The following ESR1 variants were observed in gnomAD, a reference collection of about 807,000 sequenced individuals.
ESR1 encodes estrogen receptor 1, also known as estrogen receptor.
In ESR1, 12 loss-of-function variants were observed where a neutral mutation model predicts 52.7. The ratio of observed to expected loss-of-function variants is 0.23; its 90% CI spans 0.15 to 0.37. ESR1 has a LOEUF of 0.37. Ranked by LOEUF, ESR1 falls within the 10% of genes least tolerant of loss-of-function variation. The pLI, the probability that ESR1 is intolerant of heterozygous loss-of-function variation, is 1.00. For missense variants in ESR1, 584 were observed against 779.7 expected, an observed-to-expected ratio of 0.75 and a Z score of 2.99; for synonymous variants, 305 against 316.8, an observed-to-expected ratio of 0.96 and a Z score of 0.39.
At chr6:151,748,064 G>A (rs1783613199) in intron 2 of ESR1, among the ~76,000 whole-genome samples, 1 of 152,014 alleles carries the variant, frequency 6.6e-6, no homozygotes, top group Admixed American at 6.5e-5. Flanking sequence ...CCAAATGGCT[G>A]TACGATTTTA....
At chr6:151,808,582 A>G (rs542458764) in intron 1 of ESR1, among the ~76,000 whole-genome samples, 6 of 152,244 alleles carry the variant, frequency 3.9e-5, no homozygotes, top group South Asian at 4.1e-4. Flanking sequence ...GCAGCTGAAA[A>G]AAACGTACTC....
chr6:151,988,702 C>A (rs181834185), intron 4 of ESR1, among the ~76,000 whole-genome samples: 52 of 151,876 alleles, frequency 3.4e-4, no homozygotes, highest in Non-Finnish European at 4.4e-5. Flanking sequence ...ATGTGAGAAA[C>A]CTGCACGTGT....
In ESR1 at chr6:152,102,326, T is replaced by C. The variant is rs571445493; in HGVS notation, c.*3360T>C. The C allele has an allele frequency of 1.9e-5, 4 of 208,334 alleles. No homozygotes were observed. The highest frequency in any genetic ancestry group is 9.1e-5 in the African/African-American group (4 of 44,088). 12.9% of individuals were successfully genotyped at this position (208,334 alleles called of 1,614,324 possible). On this transcript the variant is annotated 3_prime_UTR_variant, in exon 8 of 8. Coordinates refer to ENST00000206249, the MANE Select transcript of ESR1 (RefSeq NM_000125.4). ...TGCATGACACTGATTACAAATACTT[T>C]CCTATTCATACTTTCCAATTATGAG...
chr6:151,664,323 T>C (rs976533365), intron 1 of ESR1, among the ~76,000 whole-genome samples: 2 of 152,222 alleles, frequency 1.3e-5, no homozygotes, highest in African/African-American at 4.8e-5. Context: ...GAGTTTCAAG[T>C]AATTTAAATT....
intron 3 of ESR1, among the ~76,000 whole-genome samples, chr6:151,885,489 G>A (rs1583947024): frequency 1.3e-5 from 2 of 152,180 alleles, no homozygotes; most frequent in African/African-American, 4.8e-5. Flanking sequence ...TTCAAATGCT[G>A]GCTCCTCCTC....
At chr6:151,865,418 A>G (rs937484320) in intron 2 of ESR1, among the ~76,000 whole-genome samples, 1 of 152,200 alleles carries the variant, frequency 6.6e-6, no homozygotes, top group Non-Finnish European at 1.5e-5. Context: ...ATTGGGTTGT[A>G]TAGCAGTCAT....
intron 1 of ESR1, among the ~76,000 whole-genome samples, chr6:151,663,097 A>G (rs552634384): frequency 6.6e-6 from 1 of 152,334 alleles, no homozygotes; most frequent in East Asian, 1.9e-4. Flanking sequence ...GCTCTTGGAT[A>G]CAGTTGCTCA....
At chr6:151,785,585 C>T (rs1583277311) in intron 2 of ESR1, among the ~76,000 whole-genome samples, 1 of 152,206 alleles carries the variant, frequency 6.6e-6, no homozygotes, top group East Asian at 1.9e-4. Flanking sequence ...TTGAATGATT[C>T]CAGGACAAAG....
chr6:151,896,277 T>C (rs977190916), intron 3 of ESR1, among the ~76,000 whole-genome samples: 34 of 147,410 alleles, frequency 2.3e-4, no homozygotes, highest in African/African-American at 8.0e-4. Flanking sequence ...CTTCTTTGAG[T>C]GTCTGGTAGA....
chr6:151,842,912 A>G (rs1413443687), intron 2 of ESR1, 125 bp downstream of exon 2: 3 of 768,792 alleles, frequency 3.9e-6, no homozygotes, highest in African/African-American at 1.7e-5. Flanking sequence ...TAGTAGGTCC[A>G]CTAGTATCTT....
intron 2 of ESR1, among the ~76,000 whole-genome samples, chr6:151,719,312 G>A (rs907499594): frequency 6.6e-6 from 1 of 152,070 alleles, no homozygotes; most frequent in African/African-American, 2.4e-5. Flanking sequence ...AGCAAAGGTC[G>A]AGCCAGGTAA....
chr6:151,899,601 G>A (rs1467775295), intron 3 of ESR1, among the ~76,000 whole-genome samples: 7 of 150,850 alleles, frequency 4.6e-5, no homozygotes, highest in African/African-American at 1.7e-4. Context: ...CCTCCCGGAC[G>A]GGGTGGCTGC....
At chr6:151,660,073 T>C (rs1268036438) in intron 1 of ESR1, among the ~76,000 whole-genome samples, 1 of 152,202 alleles carries the variant, frequency 6.6e-6, no homozygotes, top group Non-Finnish European at 1.5e-5. Context: ...TAGAATTCAA[T>C]AATTTCAAAG....
intron 4 of ESR1, among the ~76,000 whole-genome samples, chr6:151,994,690 G>A (rs2041321487): frequency 6.6e-6 from 1 of 152,116 alleles, no homozygotes; most frequent in Non-Finnish European, 1.5e-5. Context: ...TAAGTAAGGA[G>A]TCTTCCTTGC....
chr6:151,983,779 C>T (rs2040206491), intron 4 of ESR1, among the ~76,000 whole-genome samples: 1 of 152,036 alleles, frequency 6.6e-6, no homozygotes. Context: ...TACTTGAATA[C>T]CTGGGGCAAT....
intron 4 of ESR1, among the ~76,000 whole-genome samples, chr6:151,953,838 A>G (rs2036601625): frequency 6.6e-6 from 1 of 152,192 alleles, no homozygotes; most frequent in Non-Finnish European, 1.5e-5. Flanking sequence ...GAGAAAGCTC[A>G]CTGAATATAT....
At chr6:151,828,942 G>A (rs1427937546) in intron 1 of ESR1, among the ~76,000 whole-genome samples, 2 of 152,178 alleles carry the variant, frequency 1.3e-5, no homozygotes, top group Admixed American at 6.5e-5. Flanking sequence ...CTCACTTACT[G>A]TAGGGTGGAT....
rs140049689 is a variant in ESR1, at chr6:152,082,080, G to C, written c.1370-12305G>C. ...CCTTCAGAAACTATTCCAATCAATA[G>C]AAAAAGAGGGACTCCTCCCTAACTC... On this transcript the variant is annotated intron_variant, in intron 6 of 7. Transcript: ENST00000206249. Among the ~76,000 whole-genome samples, 475 of 152,238 alleles carry C rather than the reference G, an allele frequency of 3.1e-3. 1 individual carries two copies. Among genetic ancestry groups the C allele is most frequent in the African/African-American group, 0.011 (455 of 41,554 alleles).
At chr6:151,746,452 C>A (rs1284867962) in intron 2 of ESR1, among the ~76,000 whole-genome samples, 2 of 152,094 alleles carry the variant, frequency 1.3e-5, no homozygotes, top group Non-Finnish European at 2.9e-5. Flanking sequence ...GTTTTATAAC[C>A]AACCCTATGC....
Sources: gnomAD v4.1 joint callset for allele counts (sites outside exome capture counted in the v4.1 genomes callset) on GRCh38, gnomAD v4.1.1 for gene constraint, MANE v1.5 for transcripts, NCBI Gene and HGNC (gene_info 2026-07-23, HGNC 2026-07-21) for gene names.